Variants in DNAH1 observed in about 807,000 individuals in gnomAD.
DNAH1 encodes axonemal beta dynein heavy chain 1.
Under a neutral mutation model 484.3 loss-of-function variants are expected in DNAH1, and 327 were observed. That is an observed-to-expected ratio of 0.68 (90% CI 0.62 to 0.74). The LOEUF (loss-of-function observed/expected upper bound fraction) is 0.74. Among genes scored for constraint, DNAH1 ranks in the 30% least tolerant of loss-of-function variants. DNAH1 has a pLI of 0.00. For synonymous variants in DNAH1, 2,192 were observed against 2,191.9 expected (o/e 1.00, Z 0.00); for missense variants, 5,052 against 5,546.8 (o/e 0.91, Z 2.83).
At chr3:52,392,799 T>TGTGGGGGGGGGGGGGG in intron 64 of DNAH1, 31 bp from the exon 65 acceptor site, 1 of 1,274,374 alleles carries the variant, frequency 7.8e-7, no homozygotes, top group Non-Finnish European at 1.1e-6. Flanking sequence ...TTCTGCTCTT[T>TGTGGGGGGGGGGGGGG]GACCCCTCCC....
Position 52,395,711 on chromosome 3 carries a change from G to T in DNAH1, c.11259+33G>T, listed in dbSNP as rs1704593108. Reference sequence around the variant, plus strand: ...GCCCTGCCCATCACAGACCCAGTGGGGCCGCCTCTGCATCCATCAGGGACT... The same window carrying T: ...GCCCTGCCCATCACAGACCCAGTGGTGCCGCCTCTGCATCCATCAGGGACT... On this transcript the variant is annotated intron_variant, in intron 70 of 77. Transcript: ENST00000420323. The surrounding 1 kb of genome is among the most constrained non-coding windows in gnomAD (Gnocchi z 4.4). 1 of 1,602,100 alleles carries T rather than the reference G, an allele frequency of 6.2e-7. No individual in the cohort carries two copies. Among genetic ancestry groups the T allele is most frequent in the South Asian group, 1.1e-5 (1 of 89,776 alleles).
rs749904207 is a variant in DNAH1, at chr3:52,389,605, G to A, written c.9621+19G>A. The A allele has an allele frequency of 2.4e-5, 35 of 1,430,778 alleles. 1 individual carries two copies. In the African/African-American group the frequency reaches 4.2e-4, roughly 17 times the overall value. 88.6% of individuals were successfully genotyped at this position (1,430,778 alleles called of 1,614,324 possible). On this transcript the variant is annotated intron_variant, in intron 60 of 77. Transcript: ENST00000420323. ...GTGGCAGGTGCCCACCCCAGGGGCA[G>A]GAGTGCCCAGGCAGGGCCTGTGGTG...
intron 44 of DNAH1, among the ~76,000 whole-genome samples, chr3:52,373,378 T>C (rs188226553): frequency 4.6e-5 from 7 of 152,058 alleles, no homozygotes; most frequent in Non-Finnish European, 7.4e-5. Context: ...GCAAGGGCGG[T>C]GGCGGCCCGC....
chr3:52,325,509 C>T (rs1284472673), intron 3 of DNAH1, among the ~76,000 whole-genome samples: 1 of 152,222 alleles, frequency 6.6e-6, no homozygotes, highest in East Asian at 1.9e-4. Flanking sequence ...CATTGATTAT[C>T]TGGTGTCACA....
intron 34 of DNAH1, among the ~76,000 whole-genome samples, chr3:52,365,839 C>G (rs964807672): frequency 6.6e-6 from 1 of 152,214 alleles, no homozygotes; most frequent in Non-Finnish European, 1.5e-5. Context: ...CTCCTGCACC[C>G]CCGACCCTAG....
Position 52,383,954 on chromosome 3 carries a change from G to T in DNAH1, c.8245G>T (p.Ala2749Ser). The T allele has an allele frequency of 6.2e-7, 1 of 1,612,786 alleles. No individual in the cohort carries two copies. The highest frequency in any genetic ancestry group is 8.5e-7 in the Non-Finnish European group (1 of 1,179,366). Residue 2749 changes from alanine (A) to serine (S), a missense_variant, in exon 52 of 78, where the codon GCC becomes TCC. Coordinates refer to ENST00000420323, the MANE Select transcript of DNAH1 (RefSeq NM_015512.5). Reference protein sequence around the residue: ...IDWFNEWPAEALKSVATVFLN... With the variant: ...IDWFNEWPAESLKSVATVFLN... Reference sequence around the variant, plus strand: ...CTGGTTTAACGAGTGGCCGGCAGAAGCCCTGAAGTCTGTGGCCACCGTGTT... The same window carrying T: ...CTGGTTTAACGAGTGGCCGGCAGAATCCCTGAAGTCTGTGGCCACCGTGTT...
rs1379196061 is a variant in DNAH1 at position 52,350,094 on chromosome 3, C to T, written c.2632C>T (p.Leu878=). Residue 878 remains leucine, a synonymous_variant, in exon 15 of 78, where the codon CTG becomes TTG. Coordinates refer to ENST00000420323, the MANE Select transcript of DNAH1 (RefSeq NM_015512.5). ...REWMKGIPER[L]VGLEERIVKV... is the part of the protein sequence containing the mutation. ...GTGGATGAAGGGCATCCCGGAGAGG[C>T]TGGTGGGCCTGGAGGTGAGGCAGGC... The T allele has an allele frequency of 6.2e-7, 1 of 1,611,692 alleles. No individual in the cohort carries two copies. Among genetic ancestry groups the T allele is most frequent in the Non-Finnish European group, 8.5e-7 (1 of 1,179,494 alleles).
At chr3:52,390,248 T>C (rs187102989) in intron 60 of DNAH1, among the ~76,000 whole-genome samples, 3 of 152,298 alleles carry the variant, frequency 2.0e-5, no homozygotes, top group South Asian at 4.1e-4. Context: ...GTGGATTGCT[T>C]GAGCCCAGAA....
In DNAH1 at chr3:52,364,168, A is replaced by G. The variant is rs1702975673; in HGVS notation, c.5245-470A>G. On this transcript the variant is annotated intron_variant, in intron 32 of 77. Transcript: ENST00000420323. This position sits in a 1 kb window ranked among gnomAD's most constrained non-coding sequence, Gnocchi z 4.2. ...AGAATGATTAATTTAACTATTTCCAACTCACTTACTGTGTAATGAAGAGAA... is the reference window on the plus strand; with the variant it reads ...AGAATGATTAATTTAACTATTTCCAGCTCACTTACTGTGTAATGAAGAGAA... Among the ~76,000 whole-genome samples, 2 of 152,168 alleles carry G rather than the reference A, an allele frequency of 1.3e-5. No individual in the cohort carries two copies. Among genetic ancestry groups the G allele is most frequent in the African/African-American group, 2.4e-5 (1 of 41,434 alleles).
chr3:52,318,714 AAGACAC>A (rs1162023233), intron 1 of DNAH1, among the ~76,000 whole-genome samples: 1 of 152,228 alleles, frequency 6.6e-6, no homozygotes, highest in Non-Finnish European at 1.5e-5. Flanking sequence ...CTGGAGGGGA[AAGACAC>A]AGTTGTGGAG....
Position 52,352,621 on chromosome 3 carries a change from C to A in DNAH1, c.2941C>A (p.Arg981Ser), listed in dbSNP as rs781608127. ...RAHEIANEVR[R>S]VKKQLKDCQQ... ...ACACGAGATCGCCAACGAGGTGCGG[C>A]GTGTCAAGAAGCAGCTGAAGGACTG... The change falls in exon 18 of 78, where the codon CGT (arginine) becomes AGT (serine). Residue 981 changes from arginine (R) to serine (S), a missense_variant. Transcript: ENST00000420323. 6.2e-7 allele frequency: 1 copy of A among 1,612,938 alleles called. No homozygotes were observed. Among genetic ancestry groups the A allele is most frequent in the Non-Finnish European group, 8.5e-7 (1 of 1,179,704 alleles).
At position 52,393,475 on chromosome 3, in the gene DNAH1, A is replaced by G. The variant is rs115647631; in HGVS notation, c.10616A>G (p.Lys3539Arg). The stretch of plus-strand genomic sequence containing the variant: ...GTTCGCATCATGATGAACGAGGGCA[A>G]AATCAACCAGGTGCTGGCAGAGACA... Reference protein sequence around the residue: ...LCVRIMMNEGKINQSEWRYLL... With the variant: ...LCVRIMMNEGRINQSEWRYLL... Residue 3539 changes from lysine to arginine, a missense_variant, in exon 66 of 78, where the codon AAA becomes AGA. Lys to Arg is a conservative substitution (Grantham distance 26, BLOSUM62 2). Around this residue, in one of 4 missense-constraint regions of DNAH1, gnomAD observed 2,929 missense variants for 3,409.4 expected, o/e 0.86. Coordinates refer to ENST00000420323, the MANE Select transcript of DNAH1 (RefSeq NM_015512.5). 253 of 1,614,038 alleles carry G rather than the reference A, an allele frequency of 1.6e-4. 2 individuals are homozygous for G. In the African/African-American group the frequency reaches 2.6e-3, roughly 16 times the overall value.
rs1015975834 is a variant in DNAH1 at position 52,327,699 on chromosome 3, C to T, written c.739-183C>T. 5.3e-5 allele frequency among the ~76,000 whole-genome samples: 8 copies of T among 152,284 alleles called. No homozygotes were observed. In the South Asian group the frequency reaches 1.7e-3, roughly 32 times the overall value. Reference sequence around the variant, plus strand: ...TGGGAGCAGCAGTGGAGAGGCTCAACCCCCAGTCCTAGCAGTGGAGAGGGT... The same window carrying T: ...TGGGAGCAGCAGTGGAGAGGCTCAATCCCCAGTCCTAGCAGTGGAGAGGGT... On this transcript the variant is annotated intron_variant, in intron 5 of 77. Transcript: ENST00000420323.
chr3:52,394,178 C>T (rs902030678), intron 66 of DNAH1, among the ~76,000 whole-genome samples: 3 of 152,268 alleles, frequency 2.0e-5, no homozygotes, highest in African/African-American at 4.8e-5. Flanking sequence ...GCCCTAACTG[C>T]GTGCCTGGCA....
At chr3:52,346,363 A>G (rs1245358161) in intron 10 of DNAH1, 109 bp from the exon 11 acceptor site, 1 of 1,165,964 alleles carries the variant, frequency 8.6e-7, no homozygotes, top group Admixed American at 2.3e-5. Context: ...CTCCACAGTC[A>G]GATGAGCCCT....
chr3:52,326,617 C>T, intron 4 of DNAH1, 118 bp from the exon 5 acceptor site: 2 of 1,285,426 alleles, frequency 1.6e-6, no homozygotes, highest in Admixed American at 5.0e-5. Flanking sequence ...TGGAGGGCTC[C>T]AGAGGGGTCT....
At chr3:52,367,520 G>A (rs912065059) in intron 36 of DNAH1, among the ~76,000 whole-genome samples, 1 of 151,944 alleles carries the variant, frequency 6.6e-6, no homozygotes, top group Non-Finnish European at 1.5e-5. Context: ...AGGTGAGGGG[G>A]CTGGGGGTCA....
chr3:52,365,547 G>A (rs943545314), intron 34 of DNAH1, among the ~76,000 whole-genome samples: 1 of 152,172 alleles, frequency 6.6e-6, no homozygotes, highest in Non-Finnish European at 1.5e-5. Flanking sequence ...GGAGGGCTGG[G>A]GGGACACTGC....
At chr3:52,370,682 G>T (rs1233083035) in intron 40 of DNAH1, 36 bp from the exon 41 acceptor site, 1 of 1,596,846 alleles carries the variant, frequency 6.3e-7, no homozygotes, top group Admixed American at 1.8e-5. Flanking sequence ...GTCCTACTGG[G>T]CCTCACAGCC....
Sources: gnomAD v4.1 joint callset for allele counts (sites outside exome capture counted in the v4.1 genomes callset) on GRCh38, gnomAD v4.1.1 for gene constraint, gnomAD v4.1.1 regional missense constraint, Gnocchi (gnomAD v3.1) non-coding constraint, MANE v1.5 for transcripts, NCBI Gene and HGNC (gene_info 2026-07-23, HGNC 2026-07-21) for gene names.